PRMT8: variants seen among roughly 807,000 people sequenced by gnomAD.
PRMT8 encodes the protein protein arginine methyltransferase 8.
Under a neutral mutation model 47.1 loss-of-function variants are expected in PRMT8, and 7 were observed. The ratio of observed to expected loss-of-function variants is 0.15; its 90% CI spans 0.08 to 0.28. PRMT8 has a LOEUF of 0.28. Among genes scored for constraint, PRMT8 ranks in the 10% least tolerant of loss-of-function variants. The probability of loss-of-function intolerance (pLI) is 1.00; values close to 1 mark genes in which losing one functional copy is unlikely to be tolerated. For synonymous variants in PRMT8, 188 were observed against 186.5 expected, an observed-to-expected ratio of 1.01 and a Z score of -0.07; for missense variants, 237 against 505.4, an observed-to-expected ratio of 0.47 and a Z score of 5.09.
intron 7 of PRMT8, among the ~76,000 whole-genome samples, chr12:3,582,571 T>G (rs929160081): frequency 2.6e-5 from 4 of 152,160 alleles, no homozygotes; most frequent in African/African-American, 9.7e-5. Flanking sequence ...CTGGAGGGCC[T>G]GATAAAACAC....
chr12:3,412,878 G>C lies in PRMT8; in HGVS notation c.48+31436G>C, dbSNP rs556797765. Among the ~76,000 whole-genome samples, 51 of 152,326 alleles carry C rather than the reference G, an allele frequency of 3.3e-4. 1 individual carries two copies. In the South Asian group the frequency reaches 9.7e-3, roughly 29 times the overall value. ...TCCACCCACCTTGGCCGCCCAAAGTGCTGGGATTACAGGTGTGAGCCACCA... is the reference window on the plus strand; with the variant it reads ...TCCACCCACCTTGGCCGCCCAAAGTCCTGGGATTACAGGTGTGAGCCACCA... On this transcript the variant is annotated intron_variant, in intron 1 of 9. Coordinates refer to the PRMT8 transcript ENST00000452611.
intron 1 of PRMT8, among the ~76,000 whole-genome samples, chr12:3,459,721 G>C (rs958334409): frequency 6.6e-6 from 1 of 152,180 alleles, no homozygotes; most frequent in Non-Finnish European, 1.5e-5. Context: ...GCAGGGGGTT[G>C]GTTGGTGTCT....
intron 1 of PRMT8, among the ~76,000 whole-genome samples, chr12:3,448,215 G>C (rs1407074656): frequency 2.0e-5 from 3 of 152,026 alleles, no homozygotes; most frequent in African/African-American, 7.3e-5. Context: ...ATGTTGCCCA[G>C]GCTGGTCTCG....
chr12:3,494,024 A>C (rs1010009142), intron 1 of PRMT8, among the ~76,000 whole-genome samples: 3 of 152,236 alleles, frequency 2.0e-5, no homozygotes, highest in African/African-American at 7.2e-5. Flanking sequence ...TTTTGGAATA[A>C]GCCAGGACTA....
chr12:3,496,214 A>ATATATTTTTT lies in PRMT8; in HGVS notation c.75+4515_75+4516insATATTTTTTT. Among the ~76,000 whole-genome samples, 39 of 27,764 alleles carry ATATATTTTTT rather than the reference A, an allele frequency of 1.4e-3. 1 individual carries two copies. Among genetic ancestry groups the ATATATTTTTT allele is most frequent in the South Asian group, 2.6e-3 (1 of 392 alleles). The allele number at this position is 27,764 out of a possible 152,430, so 18.2% of individuals were successfully genotyped here. On this transcript the variant is annotated intron_variant, in intron 1 of 9. Transcript: ENST00000382622. Reference sequence around the variant, plus strand: ...TTTGGAAACTGATATATATATATATATTTTTTTTTTTTTTTTTTTTTTTTT... The same window carrying ATATATTTTTT: ...TTTGGAAACTGATATATATATATATATATATTTTTTTTTTTTTTTTTTTTTTTTTTTTTTT...
At chr12:3,533,049 A>G (rs1186257234) in intron 1 of PRMT8, among the ~76,000 whole-genome samples, 1 of 152,160 alleles carries the variant, frequency 6.6e-6, no homozygotes, top group East Asian at 1.9e-4. Context: ...GCTTGACTCT[A>G]AGGTAAGAAA....
chr12:3,435,111 G>A (rs1864724740), intron 1 of PRMT8, among the ~76,000 whole-genome samples: 1 of 151,852 alleles, frequency 6.6e-6, no homozygotes, highest in Admixed American at 6.6e-5. Flanking sequence ...TGGGACTACA[G>A]GCACCCACCA....
intron 2 of PRMT8, among the ~76,000 whole-genome samples, chr12:3,546,490 G>T (rs1866330039): frequency 6.6e-6 from 1 of 152,080 alleles, no homozygotes; most frequent in South Asian, 2.1e-4. Flanking sequence ...ATAAATGGAG[G>T]CAAGGACCTC....
Position 3,566,291 on chromosome 12 carries a change from C to A in PRMT8, c.482-2415C>A, listed in dbSNP as rs1172782275. On this transcript the variant is annotated intron_variant, in intron 4 of 9. Coordinates refer to ENST00000382622, the MANE Select transcript of PRMT8 (RefSeq NM_019854.5). The surrounding 1 kb of genome is among the most constrained non-coding windows in gnomAD (Gnocchi z 4.7). ...CCACTCTATGAATTTTCTTAGTGCA[C>A]CCTGGGCCCTGCTCTCAGTTGAGTT... 6.6e-6 allele frequency among the ~76,000 whole-genome samples: 1 copy of A among 152,144 alleles called. No individual in the cohort carries two copies. The highest frequency in any genetic ancestry group is 1.5e-5 in the Non-Finnish European group (1 of 68,040).
intron 1 of PRMT8, among the ~76,000 whole-genome samples, chr12:3,480,246 T>A (rs1310883473): frequency 6.6e-6 from 1 of 151,648 alleles, no homozygotes; most frequent in Non-Finnish European, 1.5e-5. Context: ...AATGTTTTTT[T>A]AAAGAAAAAC....
intron 1 of PRMT8, among the ~76,000 whole-genome samples, chr12:3,406,622 G>A (rs1400367965): frequency 6.6e-6 from 1 of 152,164 alleles, no homozygotes; most frequent in Admixed American, 6.6e-5. Context: ...TTGCTAAAAT[G>A]TAACAAGAGT....
chr12:3,485,463 A>G lies in PRMT8; in HGVS notation c.49-55143A>G, dbSNP rs115052408. 7.8e-3 allele frequency among the ~76,000 whole-genome samples: 1,185 copies of G among 152,312 alleles called. 14 individuals carry two copies. The highest frequency in any genetic ancestry group is 0.026 in the African/African-American group (1,096 of 41,568). Reference sequence around the variant, plus strand: ...AGGTAATATCACTTTGGGGGAAACTATCATATGAAAATAAAAGCTTCTGTT... The same window carrying G: ...AGGTAATATCACTTTGGGGGAAACTGTCATATGAAAATAAAAGCTTCTGTT... On this transcript the variant is annotated intron_variant, in intron 1 of 9. Transcript: ENST00000452611.
At chr12:3,490,307 T>C (rs938976381), upstream of PRMT8, among the ~76,000 whole-genome samples, 4 of 152,032 alleles carry the variant, frequency 2.6e-5, no homozygotes, top group African/African-American at 7.2e-5. Context: ...GCCCGACAGA[T>C]GGCCAGTAAA....
intron 1 of PRMT8, among the ~76,000 whole-genome samples, chr12:3,494,863 C>T (rs1865481812): frequency 1.3e-5 from 2 of 152,162 alleles, no homozygotes; most frequent in South Asian, 4.1e-4. Context: ...TGAGCTGATT[C>T]TCCTCATGGA....
In PRMT8 at chr12:3,412,105, G is replaced by A. The variant is rs147518382; in HGVS notation, c.48+30663G>A. Among the ~76,000 whole-genome samples the A allele has an allele frequency of 2.2e-4, 33 of 152,302 alleles. No homozygotes were observed. The East Asian group carries it at 6.0e-3, about 28-fold the overall frequency. The stretch of plus-strand genomic sequence containing the variant: ...AGAGTGTACTCACACAAACCTAGAT[G>A]CTATAACCGACTGCACACCTAGGCT... On this transcript the variant is annotated intron_variant, in intron 1 of 9. Transcript: ENST00000452611.
chr12:3,407,024 C>T (rs1260661997), intron 1 of PRMT8, among the ~76,000 whole-genome samples: 2 of 152,202 alleles, frequency 1.3e-5, no homozygotes, highest in African/African-American at 4.8e-5. Context: ...GTTTAATTAA[C>T]TCACAGTTCA....
chr12:3,590,504 T>A (rs1565451642), intron 8 of PRMT8, among the ~76,000 whole-genome samples: 1 of 152,156 alleles, frequency 6.6e-6, no homozygotes, highest in African/African-American at 2.4e-5. Context: ...TCATGCCTAG[T>A]GACTAGCCTT....
intron 1 of PRMT8, among the ~76,000 whole-genome samples, 164 bp downstream of exon 1, chr12:3,491,864 GT>G (rs1865412443): frequency 1.7e-5 from 2 of 115,932 alleles, no homozygotes; most frequent in East Asian, 5.2e-4. Context: ...GTGTGTGTGT[GT>G]GTGTGTGTGT....
chr12:3,450,175 A>C (rs1427850323), intron 1 of PRMT8, among the ~76,000 whole-genome samples: 2 of 152,194 alleles, frequency 1.3e-5, no homozygotes, highest in African/African-American at 4.8e-5. Context: ...TTGATACTAC[A>C]CCAAAACTCA....
Sources: allele counts gnomAD v4.1 joint callset (sites outside exome capture counted in the v4.1 genomes callset), GRCh38; gene constraint gnomAD v4.1.1; non-coding constraint Gnocchi (gnomAD v3.1); transcripts MANE v1.5; gene names NCBI Gene and HGNC (gene_info 2026-07-23, HGNC 2026-07-21).